SYNPR: variants seen among roughly 807,000 people sequenced by gnomAD.
SYNPR encodes synaptoporin.
Under a neutral mutation model 32.9 loss-of-function variants are expected in SYNPR, and 23 were observed. The observed-to-expected ratio is 0.70, with a 90% CI of 0.50 to 0.99. The LOEUF is 0.99. Among genes scored for constraint, SYNPR ranks in the 50% least tolerant of loss-of-function variants. The pLI, the probability that SYNPR is intolerant of heterozygous loss-of-function variation, is 0.00. For missense variants in SYNPR, 318 were observed against 349.3 expected (o/e 0.91, Z 0.71); for synonymous variants, 146 against 135.9 (o/e 1.07, Z -0.52).
At chr3:63,254,814 T>C (rs530341403) in intron 2 of SYNPR, among the ~76,000 whole-genome samples, 8 of 152,312 alleles carry the variant, frequency 5.3e-5, no homozygotes, top group Non-Finnish European at 1.2e-4. Context: ...ATAATTTACA[T>C]ATAATTAAGT....
At chr3:63,587,299 T>C (rs1207201065) in intron 4 of SYNPR, among the ~76,000 whole-genome samples, 3 of 152,114 alleles carry the variant, frequency 2.0e-5, no homozygotes, top group Non-Finnish European at 4.4e-5. Context: ...TTAATTTTAA[T>C]CCTCACAACG....
At chr3:63,407,215 C>A (rs995814322) in intron 2 of SYNPR, among the ~76,000 whole-genome samples, 1 of 152,206 alleles carries the variant, frequency 6.6e-6, no homozygotes, top group Non-Finnish European at 1.5e-5. Context: ...TGAACCATTA[C>A]AGCATAGACC....
chr3:63,419,989 C>G (rs1229696592), intron 2 of SYNPR, among the ~76,000 whole-genome samples: 2 of 152,162 alleles, frequency 1.3e-5, no homozygotes, highest in Non-Finnish European at 2.9e-5. Context: ...CAGACCTTAT[C>G]TACCTAGTAG....
In SYNPR at chr3:63,396,692, A is replaced by G. The variant is rs75481027; in HGVS notation, c.85-84140A>G. ...ATCTGACATAGATGCAAACTGGAGC[A>G]TTTAAATATTTCATACCTGCATTTT... On this transcript the variant is annotated intron_variant, in intron 2 of 5. Transcript: ENST00000478300. Among the ~76,000 whole-genome samples the G allele has an allele frequency of 7.6e-3, 1,160 of 152,334 alleles. 11 individuals carry two copies. The highest frequency in any genetic ancestry group is 0.026 in the African/African-American group (1,092 of 41,576).
chr3:63,508,345 G>C (rs1701629573), intron 3 of SYNPR, among the ~76,000 whole-genome samples: 1 of 152,110 alleles, frequency 6.6e-6, no homozygotes, highest in Non-Finnish European at 1.5e-5. Context: ...AAGAGGAAGT[G>C]ATTGACATAA....
chr3:63,408,314 AGG>A (rs2088410553), intron 2 of SYNPR, among the ~76,000 whole-genome samples: 2 of 121,520 alleles, frequency 1.6e-5, no homozygotes, highest in Non-Finnish European at 3.3e-5. Context: ...GAAGGAAGGA[AGG>A]AAGGAAAGAA....
At chr3:63,503,106 G>C (rs1701514694) in intron 3 of SYNPR, among the ~76,000 whole-genome samples, 1 of 152,038 alleles carries the variant, frequency 6.6e-6, no homozygotes, top group Non-Finnish European at 1.5e-5. Context: ...ATAAACATTT[G>C]GTGCTATCAG....
rs527740247 is a variant in SYNPR, at chr3:63,537,282, T to C, written c.210-19261T>C. On this transcript the variant is annotated intron_variant, in intron 3 of 5. Coordinates refer to ENST00000478300, the MANE Select transcript of SYNPR (RefSeq NM_001130003.2). Reference sequence around the variant, plus strand: ...ACTCTACCCTTTGTCTACAAACTTCTACCTACTTTCCCATCTCACTTCAAC... The same window carrying C: ...ACTCTACCCTTTGTCTACAAACTTCCACCTACTTTCCCATCTCACTTCAAC... 9.2e-5 allele frequency among the ~76,000 whole-genome samples: 14 copies of C among 152,272 alleles called. No individual in the cohort carries two copies. In the East Asian group the frequency reaches 2.7e-3, roughly 29 times the overall value.
chr3:63,523,025 G>A (rs957247087), intron 3 of SYNPR, among the ~76,000 whole-genome samples: 1 of 152,064 alleles, frequency 6.6e-6, no homozygotes, highest in Non-Finnish European at 1.5e-5. Context: ...GAATAGTTTT[G>A]GTTTGGAGTC....
chr3:63,246,580 C>T (rs2086292381), intron 1 of SYNPR, among the ~76,000 whole-genome samples: 1 of 151,838 alleles, frequency 6.6e-6, no homozygotes, highest in Admixed American at 6.6e-5. Context: ...TATTTTATAC[C>T]AAGTGGTCAG....
intron 1 of SYNPR, among the ~76,000 whole-genome samples, chr3:63,251,277 A>G (rs2086328967): frequency 6.6e-6 from 1 of 152,250 alleles, no homozygotes; most frequent in African/African-American, 2.4e-5. Context: ...TCCTGCCACG[A>G]AAAAGTCTCT....
intron 2 of SYNPR, among the ~76,000 whole-genome samples, chr3:63,317,487 G>T (rs908263019): frequency 2.0e-5 from 3 of 151,956 alleles, no homozygotes; most frequent in Admixed American, 1.3e-4. Context: ...ATTATATAAT[G>T]TCCCTTTGTT....
intron 3 of SYNPR, among the ~76,000 whole-genome samples, chr3:63,518,051 G>A (rs936998421): frequency 2.0e-5 from 3 of 152,132 alleles, no homozygotes; most frequent in Admixed American, 6.6e-5. Flanking sequence ...TACAGCAGTG[G>A]CCCCAGGGTG....
intron 4 of SYNPR, among the ~76,000 whole-genome samples, chr3:63,603,502 C>T (rs573258832): frequency 1.8e-4 from 28 of 152,168 alleles, no homozygotes; most frequent in African/African-American, 6.7e-4. Flanking sequence ...GCTCTTATTA[C>T]TTTGAAGTAT....
At chr3:63,270,889 TTCC>T (rs1560174503) in intron 3 of SYNPR, among the ~76,000 whole-genome samples, 1 of 66,330 alleles carries the variant, frequency 1.5e-5, no homozygotes, top group Non-Finnish European at 4.0e-5. Flanking sequence ...CCTTCCTTCC[TTCC>T]TTCCTTTTCT....
chr3:63,613,823 A>G (rs1296014956), intron 5 of SYNPR, among the ~76,000 whole-genome samples: 1 of 152,068 alleles, frequency 6.6e-6, no homozygotes, highest in African/African-American at 2.4e-5. Flanking sequence ...AACAAAACAA[A>G]AACAAAAATG....
chr3:63,614,760 A>T (rs1700252882), intron 5 of SYNPR, among the ~76,000 whole-genome samples: 1 of 152,190 alleles, frequency 6.6e-6, no homozygotes, highest in Non-Finnish European at 1.5e-5. Context: ...TGAATGCACC[A>T]TTATTAAAGT....
chr3:63,456,668 G>C (rs1019745275), intron 2 of SYNPR, among the ~76,000 whole-genome samples: 1 of 152,058 alleles, frequency 6.6e-6, no homozygotes, highest in African/African-American at 2.4e-5. Context: ...TCCCAGGTGA[G>C]CTCAAACCCA....
intron 2 of SYNPR, among the ~76,000 whole-genome samples, chr3:63,334,459 T>C (rs760313610): frequency 7.2e-5 from 11 of 152,192 alleles, no homozygotes; most frequent in Non-Finnish European, 1.6e-4. Context: ...TTATTGTCTT[T>C]CATCAGCCCT....
Sources: gnomAD v4.1 joint callset for allele counts (sites outside exome capture counted in the v4.1 genomes callset) on GRCh38, gnomAD v4.1.1 for gene constraint, MANE v1.5 for transcripts, NCBI Gene and HGNC (gene_info 2026-07-23, HGNC 2026-07-21) for gene names.